The following FAM90A1 variants were observed in gnomAD, a reference collection of about 807,000 sequenced individuals.
The protein encoded by FAM90A1 is family with sequence similarity 90 member A1.
Under a neutral mutation model 14.8 loss-of-function variants are expected in FAM90A1, and 10 were observed. That is an observed-to-expected ratio of 0.67 (90% CI 0.42 to 1.14). FAM90A1 has a LOEUF of 1.14. Ranked by LOEUF, FAM90A1 falls within the 50% of genes most tolerant of loss-of-function variation. The probability of loss-of-function intolerance (pLI) is 0.00; values close to 1 mark genes in which losing one functional copy is unlikely to be tolerated. For synonymous variants in FAM90A1, 236 were observed against 248.4 expected (o/e 0.95, Z 0.47); for missense variants, 567 against 602.8 (o/e 0.94, Z 0.62).
chr12:8,222,262 C>A lies in FAM90A1; in HGVS notation c.955G>T (p.Ala319Ser). The A allele has an allele frequency of 1.2e-6, 2 of 1,610,912 alleles. No homozygotes were observed. Among genetic ancestry groups the A allele is most frequent in the Non-Finnish European group, 1.7e-6 (2 of 1,179,608 alleles). The part of the protein sequence containing the change: ...RLGPFQIPES[A>S]IQGGELGAPE... Reference sequence around the variant, plus strand: ...GCCCCCAGCTCACCTCCCTGGATGGCGCTTTCGGGGATCTGGAAGGGACCC... The same window carrying A: ...GCCCCCAGCTCACCTCCCTGGATGGAGCTTTCGGGGATCTGGAAGGGACCC... The change falls in exon 7 of 7, where the codon GCC becomes TCC. Residue 319 changes from alanine to serine, a missense_variant. Transcript: ENST00000538603.
intron 5 of FAM90A1, 61 bp from the exon 6 acceptor site, chr12:8,223,618 C>A: frequency 1.0e-6 from 1 of 993,950 alleles, no homozygotes; most frequent in South Asian, 1.3e-5. Context: ...CGGGGAGAAC[C>A]CTGTCTGGGG....
Position 8,224,088 on chromosome 12 carries a change from G to T in FAM90A1, c.251C>A (p.Pro84Gln). 6.2e-7 allele frequency: 1 copy of T among 1,612,066 alleles called. No individual in the cohort carries two copies. Among genetic ancestry groups the T allele is most frequent in the East Asian group, 2.2e-5 (1 of 44,886 alleles). ...GEKEGKENLK[P>Q]WKPQVEANPG... is the part of the protein sequence containing the mutation. ...GTTCGCTTCAACCTGGGGCTTCCAT[G>T]GTTTCAGGTTTTCCTTCCCTTCCTT... The change falls in exon 5 of 7, where the codon CCA (proline) becomes CAA (glutamine). Residue 84 changes from proline (P) to glutamine (Q), a missense_variant. Coordinates refer to ENST00000538603, the MANE Select transcript of FAM90A1 (RefSeq NM_018088.3).
rs1948874606 is a variant in FAM90A1 at position 8,223,396 on chromosome 12, C to T, written c.432+53G>A. 6.9e-6 allele frequency: 8 copies of T among 1,152,574 alleles called. No individual in the cohort carries two copies. In the South Asian group the frequency reaches 7.4e-5, roughly 11 times the overall value. The allele number at this position is 1,152,574 out of a possible 1,614,324, so 71.4% of individuals were successfully genotyped here. On this transcript the variant is annotated intron_variant, in intron 6 of 6. Transcript: ENST00000538603. ...CGCAGACGGGAAGCTGAAAGGAAAT[C>T]AACCAGGGTGACCTAGAGGAGAAAA...
Position 8,221,973 on chromosome 12 carries a change from T to C in FAM90A1, c.1244A>G (p.His415Arg). Residue 415 changes from histidine (H) to arginine (R), a missense_variant, in exon 7 of 7, where the codon CAC (histidine) becomes CGC (arginine). Transcript: ENST00000538603. Reference sequence around the variant, plus strand: ...GAAGGCTCCCGGCTTCTCAGGAGAGTGAAATGAGGGGGCCGTCAGCAGGCT... The same window carrying C: ...GAAGGCTCCCGGCTTCTCAGGAGAGCGAAATGAGGGGGCCGTCAGCAGGCT... ...SSSLLTAPSF[H>R]SPEKPGAFLA... 6.3e-7 allele frequency: 1 copy of C among 1,596,248 alleles called. No homozygotes were observed. Among genetic ancestry groups the C allele is most frequent in the South Asian group, 1.1e-5 (1 of 90,934 alleles).
chr12:8,224,542 G>A (rs976085191), intron 4 of FAM90A1, among the ~76,000 whole-genome samples, 168 bp downstream of exon 4: 4 of 152,244 alleles, frequency 2.6e-5, no homozygotes, highest in Non-Finnish European at 5.9e-5. Context: ...GGGCCTATCG[G>A]GCCGGGGAGG....
rs149655450 is a variant in FAM90A1 at position 8,224,168 on chromosome 12, G to T, written c.171C>A (p.Thr57=). 2 of 1,612,030 alleles carry T rather than the reference G, an allele frequency of 1.2e-6. No individual in the cohort carries two copies. The highest frequency in any genetic ancestry group is 2.2e-5 in the South Asian group (2 of 90,996). The change falls in exon 5 of 7, where the codon ACC becomes ACA. Residue 57 remains threonine, a synonymous_variant. Transcript: ENST00000538603. ...CEAFGHTARS[T]RCPMKCWKAA... ...CCTTCCAGCACTTCATGGGGCACCT[G>T]GTACTTCTGGCCGTGTGGCCAAAGG...
At chr12:8,223,321 G>A (rs1948872959) in intron 6 of FAM90A1, 128 bp downstream of exon 6, 1 of 636,934 alleles carries the variant, frequency 1.6e-6, no homozygotes, top group Non-Finnish European at 2.9e-6. Flanking sequence ...AAGGATCGTG[G>A]AGTGTCTGAC....
chr12:8,225,201 G>A (rs1319819191), intron 3 of FAM90A1, among the ~76,000 whole-genome samples: 5 of 152,198 alleles, frequency 3.3e-5, no homozygotes, highest in Non-Finnish European at 7.3e-5. Context: ...GATTCACTCC[G>A]GTAGAAGACA....
chr12:8,226,957 T>G (rs3889343), intron 1 of FAM90A1, among the ~76,000 whole-genome samples: 20,553 of 151,036 alleles, frequency 0.14, 1,379 homozygotes, highest in Non-Finnish European at 0.18. Context: ...AGGTGCCCAC[T>G]ACACCCAGCT....
chr12:8,223,813 C>T (rs1365300570), intron 5 of FAM90A1, among the ~76,000 whole-genome samples: 2 of 152,192 alleles, frequency 1.3e-5, no homozygotes, highest in African/African-American at 2.4e-5. Context: ...GAAGCGCCCC[C>T]GCCCCTCCCC....
Position 8,221,877 on chromosome 12 carries a change from T to A in FAM90A1, c.1340A>T (p.Tyr447Phe), listed in dbSNP as rs1327394441. ...GGAGGAGGGAACCTGAAGGTCCTCA[T>A]AGAGGACGCTTGGTGGGACACGAAC... ...PCVRVPPSVL[Y>F]EDLQVPSSSE... Residue 447 changes from tyrosine (Y) to phenylalanine (F), a missense_variant, in exon 7 of 7, where the codon TAT (tyrosine) becomes TTT (phenylalanine). By Grantham distance (22) the Tyr-to-Phe change is conservative. Transcript: ENST00000538603. 1 of 1,596,016 alleles carries A rather than the reference T, an allele frequency of 6.3e-7. No individual in the cohort carries two copies. Among genetic ancestry groups the A allele is most frequent in the Non-Finnish European group, 8.5e-7 (1 of 1,179,496 alleles).
At position 8,222,484 on chromosome 12, in the gene FAM90A1, A is replaced by G; in HGVS notation, c.733T>C (p.Ser245Pro). Residue 245 changes from serine (S) to proline (P), a missense_variant, in exon 7 of 7, where the codon TCC (serine) becomes CCC (proline). Transcript: ENST00000538603. ...GGCREVPQAASKTHGLLQAVS... is the reference protein window; with the variant it reads ...GGCREVPQAAPKTHGLLQAVS... ...GCCTGGAGCAGGCCGTGGGTTTTGG[A>G]GGCAGCCTGGGGAACTTCTCGACAG... 6.2e-7 allele frequency: 1 copy of G among 1,608,790 alleles called. No individual in the cohort carries two copies. The highest frequency in any genetic ancestry group is 8.5e-7 in the Non-Finnish European group (1 of 1,177,594).
chr12:8,226,886 A>G (rs1270213421), intron 1 of FAM90A1, among the ~76,000 whole-genome samples: 3 of 136,120 alleles, frequency 2.2e-5, no homozygotes, highest in Non-Finnish European at 4.5e-5. Context: ...GCTCACTGCA[A>G]CCTCCGCGTC....
At chr12:8,225,116 G>A (rs1004466749) in intron 3 of FAM90A1, among the ~76,000 whole-genome samples, 1 of 152,242 alleles carries the variant, frequency 6.6e-6, no homozygotes, top group Non-Finnish European at 1.5e-5. Flanking sequence ...CAGGGCCCGT[G>A]GCCTAGGTAT....
chr12:8,221,501 T>A lies in FAM90A1; in HGVS notation c.*321A>T. 1 of 452,806 alleles carries A rather than the reference T, an allele frequency of 2.2e-6. No homozygotes were observed. The highest frequency in any genetic ancestry group is 4.6e-5 in the East Asian group (1 of 21,576). The allele number at this position is 452,806 out of a possible 1,614,324, so 28.0% of individuals were successfully genotyped here. A position where few individuals can be genotyped will look rare whatever the true frequency, so the allele number is the denominator to read the frequency against. On this transcript the variant is annotated 3_prime_UTR_variant, in exon 7 of 7. Coordinates refer to ENST00000538603, the MANE Select transcript of FAM90A1 (RefSeq NM_018088.3). ...GAGCAAATACACAGTAATTCCCCCG[T>A]TTCCTATTGACGTCCCAGCGGAAGT... is the stretch of plus-strand genomic sequence containing the variant.
chr12:8,223,621 GT>G, intron 5 of FAM90A1, 64 bp from the exon 6 acceptor site: 2 of 970,858 alleles, frequency 2.1e-6, no homozygotes, highest in South Asian at 2.6e-5. Context: ...GGAGAACCCT[GT>G]CTGGGGCCCA....
chr12:8,227,508 C>G lies in FAM90A1; in HGVS notation c.-449G>C, dbSNP rs1372020441. On this transcript the variant is annotated 5_prime_UTR_variant, in exon 1 of 7. Coordinates refer to ENST00000538603, the MANE Select transcript of FAM90A1 (RefSeq NM_018088.3). The stretch of plus-strand genomic sequence containing the variant: ...GCCATGTTTTCAAGCCCGAGGCCAG[C>G]TGGCTGCAGGTGCAGGGCTATGCGT... 7 of 806,312 alleles carry G rather than the reference C, an allele frequency of 8.7e-6. No homozygotes were observed. 49.9% of individuals were successfully genotyped at this position (806,312 alleles called of 1,614,324 possible).
In FAM90A1 at chr12:8,221,774, TCCAAGTCAC is replaced by T; in HGVS notation, c.*39_*47del. 6.5e-7 allele frequency: 1 copy of T among 1,548,546 alleles called. No homozygotes were observed. The highest frequency in any genetic ancestry group is 8.8e-7 in the Non-Finnish European group (1 of 1,137,558). ...TGTGCTCCTCAGTCCCACAGTCCCC[TCCAAGTCAC>T]GGGAGCTGGAGGCCAAGGAGCCCCT... On this transcript the variant is annotated 3_prime_UTR_variant, in exon 7 of 7. Transcript: ENST00000538603.
chr12:8,224,785 T>G lies in FAM90A1; in HGVS notation c.48A>C (p.Arg16Ser), dbSNP rs1948907209. 1 of 1,607,894 alleles carries G rather than the reference T, an allele frequency of 6.2e-7. No homozygotes were observed. Among genetic ancestry groups the G allele is most frequent in the Admixed American group, 1.7e-5 (1 of 59,956 alleles). ...TCCGCTGCTTCTGGAGGGTCTGGGC[T>G]CTCACCAGTCTCTTTGCCCCAGGTT... ...DPKPGAKRLV[R>S]AQTLQKQRRA... is the part of the protein sequence containing the mutation. Residue 16 changes from arginine to serine, a missense_variant, in exon 4 of 7, where the codon AGA becomes AGC. Coordinates refer to ENST00000538603, the MANE Select transcript of FAM90A1 (RefSeq NM_018088.3).
Sources: gnomAD v4.1 joint callset for allele counts (sites outside exome capture counted in the v4.1 genomes callset) on GRCh38, gnomAD v4.1.1 for gene constraint, MANE v1.5 for transcripts, NCBI Gene and HGNC (gene_info 2026-07-23, HGNC 2026-07-21) for gene names.